GNG12: variants seen among roughly 807,000 people sequenced by gnomAD.
GNG12 encodes guanine nucleotide-binding protein G(I)/G(S)/G(O) subunit gamma-12.
For missense variants in GNG12, 69 were observed against 83.8 expected, an observed-to-expected ratio of 0.82 and a Z score of 0.69; for synonymous variants, 28 against 29.7, an observed-to-expected ratio of 0.94 and a Z score of 0.19.
At chr1:67,745,369 TACTGCGTG>T (rs1646502305) in intron 2 of GNG12, among the ~76,000 whole-genome samples, 1 of 152,174 alleles carries the variant, frequency 6.6e-6, no homozygotes, top group African/African-American at 2.4e-5. Flanking sequence ...TGACATGAAT[TACTGCGTG>T]ACTTGGAGAA....
chr1:67,705,216 A>G lies in GNG12; in HGVS notation c.*235T>C. 1 of 413,530 alleles carries G rather than the reference A, an allele frequency of 2.4e-6. No individual in the cohort carries two copies. The highest frequency in any genetic ancestry group is 3.8e-6 in the Non-Finnish European group (1 of 260,572). The allele number at this position is 413,530 out of a possible 1,614,324, so 25.6% of individuals were successfully genotyped here. A position where few individuals can be genotyped will look rare whatever the true frequency, so the allele number is the denominator to read the frequency against. Reference sequence around the variant, plus strand: ...AACTTTCCTTAAACAGTAACCCAACATAAAGCCATAGTTACCAAGTGGAAA... The same window carrying G: ...AACTTTCCTTAAACAGTAACCCAACGTAAAGCCATAGTTACCAAGTGGAAA... On this transcript the variant is annotated 3_prime_UTR_variant, in exon 4 of 4. Transcript: ENST00000370982.
intron 2 of GNG12, among the ~76,000 whole-genome samples, chr1:67,770,879 T>C (rs1253831730): frequency 6.6e-6 from 1 of 152,192 alleles, no homozygotes; most frequent in Non-Finnish European, 1.5e-5. Flanking sequence ...CCTTGGTGGC[T>C]GGATGGAGGG....
chr1:67,767,498 C>T (rs1646648116), intron 2 of GNG12, among the ~76,000 whole-genome samples: 1 of 152,208 alleles, frequency 6.6e-6, no homozygotes, highest in African/African-American at 2.4e-5. Flanking sequence ...CTCACTAGTT[C>T]AGACTCTGCC....
At chr1:67,832,670 G>A (rs1345674896) in intron 1 of GNG12, among the ~76,000 whole-genome samples, 1 of 151,218 alleles carries the variant, frequency 6.6e-6, no homozygotes, top group Non-Finnish European at 1.5e-5. Flanking sequence ...TGCAAATACA[G>A]TCTGCAGAAA....
chr1:67,803,017 C>G (rs1377821637), intron 1 of GNG12, among the ~76,000 whole-genome samples: 1 of 152,198 alleles, frequency 6.6e-6, no homozygotes. Context: ...TAGTGCATTT[C>G]GCAAAGAAAA....
At chr1:67,722,784 A>G (rs1474756944) in intron 2 of GNG12, among the ~76,000 whole-genome samples, 2 of 152,206 alleles carry the variant, frequency 1.3e-5, no homozygotes, top group African/African-American at 4.8e-5. Context: ...GTGGAACAGA[A>G]ATGGGAGACA....
chr1:67,749,165 T>C (rs1462083495), intron 2 of GNG12, among the ~76,000 whole-genome samples: 1 of 152,208 alleles, frequency 6.6e-6, no homozygotes, highest in African/African-American at 2.4e-5. Context: ...CTAAGAAGAA[T>C]AGTCTGCTAA....
chr1:67,772,089 C>G (rs1271332519), intron 2 of GNG12, among the ~76,000 whole-genome samples: 1 of 152,046 alleles, frequency 6.6e-6, no homozygotes, highest in Non-Finnish European at 1.5e-5. Context: ...GGTTTTTAAG[C>G]AAGAGGGGCC....
chr1:67,812,274 A>G (rs1570569007), intron 1 of GNG12, among the ~76,000 whole-genome samples: 1 of 152,356 alleles, frequency 6.6e-6, no homozygotes, highest in East Asian at 1.9e-4. Flanking sequence ...TCCAGATACC[A>G]TAGATTATTA....
At chr1:67,805,815 A>T (rs2100802575) in intron 1 of GNG12, among the ~76,000 whole-genome samples, 1 of 151,640 alleles carries the variant, frequency 6.6e-6, no homozygotes. Context: ...CAGAAACACC[A>T]ATCAGAATAA....
chr1:67,763,611 C>T (rs1208387671), intron 2 of GNG12, among the ~76,000 whole-genome samples: 4 of 151,910 alleles, frequency 2.6e-5, no homozygotes, highest in Non-Finnish European at 5.9e-5. Flanking sequence ...CATAGCTCTA[C>T]AGCCTCAAAC....
At chr1:67,777,024 T>C (rs1646709095) in intron 2 of GNG12, 1 of 151,976 alleles carries the variant, frequency 6.6e-6, no homozygotes, top group Non-Finnish European at 1.5e-5. Context: ...AGATGAGAGA[T>C]GAGAGAAAAA....
chr1:67,753,350 C>T (rs1646549687), intron 2 of GNG12, among the ~76,000 whole-genome samples: 1 of 123,072 alleles, frequency 8.1e-6, no homozygotes, highest in African/African-American at 2.5e-5. Flanking sequence ...TATTCCAAAA[C>T]CTGAAAAAAA....
At chr1:67,795,140 T>C (rs1335734693) in intron 1 of GNG12, among the ~76,000 whole-genome samples, 3 of 152,218 alleles carry the variant, frequency 2.0e-5, no homozygotes, top group African/African-American at 7.2e-5. Flanking sequence ...CCATGCAGCT[T>C]CAAACAGTAA....
intron 2 of GNG12, among the ~76,000 whole-genome samples, chr1:67,764,018 T>C (rs1646621659): frequency 6.6e-6 from 1 of 152,220 alleles, no homozygotes; most frequent in South Asian, 2.1e-4. Flanking sequence ...GCTCCTGTCA[T>C]GCCTCTGAAT....
At chr1:67,705,654 G>A in intron 3 of GNG12, 78 bp from the exon 4 acceptor site, 3 of 1,498,342 alleles carry the variant, frequency 2.0e-6, no homozygotes, top group Admixed American at 2.2e-5. Flanking sequence ...TGAATGCTAG[G>A]CTATTGAATG....
intron 1 of GNG12, among the ~76,000 whole-genome samples, chr1:67,816,588 G>A (rs1646954886): frequency 6.6e-6 from 1 of 152,060 alleles, no homozygotes; most frequent in African/African-American, 2.4e-5. Context: ...CCCACCCCAG[G>A]TTTCCAGGTG....
intron 1 of GNG12, among the ~76,000 whole-genome samples, chr1:67,789,675 C>T (rs999586731): frequency 4.7e-5 from 7 of 149,606 alleles, no homozygotes; most frequent in Non-Finnish European, 8.8e-5. Flanking sequence ...CAGAGTCAGG[C>T]GGCACAATCG....
intron 1 of GNG12, among the ~76,000 whole-genome samples, chr1:67,832,102 T>A (rs1005145420): frequency 2.0e-5 from 3 of 152,168 alleles, no homozygotes; most frequent in Non-Finnish European, 4.4e-5. Flanking sequence ...CCAGGAAATA[T>A]AAACTGTGTC....
Sources: gnomAD v4.1 joint callset for allele counts (sites outside exome capture counted in the v4.1 genomes callset) on GRCh38, gnomAD v4.1.1 for gene constraint, MANE v1.5 for transcripts, NCBI Gene and HGNC (gene_info 2026-07-23, HGNC 2026-07-21) for gene names.